The following MAP3K7 variants were observed in gnomAD, a reference collection of about 807,000 sequenced individuals.
The protein encoded by MAP3K7 is TGF-beta activated kinase 1.
MAP3K7 carries 21 observed loss-of-function variants against 84.8 expected under a neutral mutation model. The observed-to-expected ratio is 0.25, with a 90% CI of 0.18 to 0.36. The LOEUF (loss-of-function observed/expected upper bound fraction) is 0.36. MAP3K7 is among the 10% of genes least tolerant of loss of function. MAP3K7 has a pLI of 1.00. For synonymous variants in MAP3K7, 241 were observed against 247.7 expected, an observed-to-expected ratio of 0.97 and a Z score of 0.25; for missense variants, 503 against 747.7, an observed-to-expected ratio of 0.67 and a Z score of 3.82.
At chr6:90,586,112 C>A (rs1001109218) in intron 1 of MAP3K7, among the ~76,000 whole-genome samples, 5 of 152,022 alleles carry the variant, frequency 3.3e-5, no homozygotes, top group African/African-American at 7.3e-5. Context: ...GTGGCTCACG[C>A]CTGTAATCCC....
chr6:90,542,605 G>T, intron 12 of MAP3K7: 1 of 466,020 alleles, frequency 2.1e-6, no homozygotes, highest in Non-Finnish European at 2.8e-6. Flanking sequence ...GTGACTTGGA[G>T]TCAGAAGATC....
At chr6:90,535,178 T>C (rs1002573329) in intron 13 of MAP3K7, among the ~76,000 whole-genome samples, 1 of 152,088 alleles carries the variant, frequency 6.6e-6, no homozygotes, top group African/African-American at 2.4e-5. Flanking sequence ...ATCAAGGATA[T>C]TCACCACTTA....
chr6:90,526,526 T>C (rs1180895845), intron 13 of MAP3K7, among the ~76,000 whole-genome samples: 13 of 152,092 alleles, frequency 8.5e-5, no homozygotes. Context: ...ACGTGAATCA[T>C]GCTAATACTT....
Position 90,549,147 on chromosome 6 carries a change from T to C in MAP3K7, c.950-970A>G, listed in dbSNP as rs977394322. ...AATGCACAGGCAGAAAGGTACACCT[T>C]TGGCCAGAAGTATGGATAGTTTAGC... On this transcript the variant is annotated intron_variant, in intron 9 of 16. Coordinates refer to ENST00000369329, the MANE Select transcript of MAP3K7 (RefSeq NM_145331.3). Among the ~76,000 whole-genome samples, 11 of 152,084 alleles carry C rather than the reference T, an allele frequency of 7.2e-5. 1 individual carries two copies. The highest frequency in any genetic ancestry group is 5.9e-4 in the Admixed American group (9 of 15,254).
At chr6:90,535,990 A>T (rs1389666152) in intron 13 of MAP3K7, among the ~76,000 whole-genome samples, 2 of 152,180 alleles carry the variant, frequency 1.3e-5, no homozygotes, top group Admixed American at 1.3e-4. Flanking sequence ...AAAAGGAGAC[A>T]TATTAATGAT....
Position 90,536,406 on chromosome 6 carries a change from A to G in MAP3K7, c.1292-5T>C. 6.2e-7 allele frequency: 1 copy of G among 1,608,064 alleles called. No individual in the cohort carries two copies. Among genetic ancestry groups the G allele is most frequent in the Non-Finnish European group, 8.5e-7 (1 of 1,175,388 alleles). ...TACGTCTTGGCTGTCCGTTGCCTTT[A>G]AAAAGAAGAAAAAAAGTAAAATACT... On this transcript the variant is annotated splice_polypyrimidine_tract_variant and splice_region_variant and intron_variant, in intron 12 of 16. Coordinates refer to ENST00000369329, the MANE Select transcript of MAP3K7 (RefSeq NM_145331.3).
chr6:90,520,478 G>A (rs1775113773), intron 14 of MAP3K7, among the ~76,000 whole-genome samples: 1 of 151,888 alleles, frequency 6.6e-6, no homozygotes, highest in Non-Finnish European at 1.5e-5. Context: ...AAATGAGCCA[G>A]TGCATGTGAG....
chr6:90,554,925 G>A (rs538001487), intron 6 of MAP3K7, among the ~76,000 whole-genome samples: 1 of 152,244 alleles, frequency 6.6e-6, no homozygotes, highest in South Asian at 2.1e-4. Flanking sequence ...TAGTTGCATT[G>A]CAATTTCTCT....
chr6:90,553,716 T>C, intron 6 of MAP3K7, 130 bp from the exon 7 acceptor site: 1 of 550,320 alleles, frequency 1.8e-6, no homozygotes, highest in Non-Finnish European at 3.1e-6. Context: ...ACTAAGAAAC[T>C]ACTCTTTCTG....
At chr6:90,532,134 TTAAA>T (rs1338862675) in intron 13 of MAP3K7, among the ~76,000 whole-genome samples, 2 of 152,242 alleles carry the variant, frequency 1.3e-5, no homozygotes, top group South Asian at 4.1e-4. Flanking sequence ...ATCACATCCC[TTAAA>T]TAAATAATAA....
intron 1 of MAP3K7, among the ~76,000 whole-genome samples, chr6:90,583,324 A>C (rs1777341046): frequency 6.6e-6 from 1 of 152,188 alleles, no homozygotes; most frequent in South Asian, 2.1e-4. Flanking sequence ...GTACTTCAGA[A>C]AGTACTGAGT....
At chr6:90,578,780 A>G (rs1410539962) in intron 1 of MAP3K7, among the ~76,000 whole-genome samples, 1 of 152,210 alleles carries the variant, frequency 6.6e-6, no homozygotes, top group Admixed American at 6.5e-5. Context: ...CGTAGCATAA[A>G]AAAAGCTTCC....
intron 3 of MAP3K7, among the ~76,000 whole-genome samples, chr6:90,568,256 TAAAGAG>T (rs779410225): frequency 6.6e-6 from 1 of 151,736 alleles, no homozygotes; most frequent in Non-Finnish European, 1.5e-5. Flanking sequence ...AATAAATACA[TAAAGAG>T]AAAGAAAAAA....
intron 9 of MAP3K7, among the ~76,000 whole-genome samples, chr6:90,549,450 C>T (rs552560329): frequency 7.2e-5 from 11 of 152,268 alleles, no homozygotes; most frequent in African/African-American, 2.4e-4. Flanking sequence ...TGCATTGGTA[C>T]AGGCAAGGAG....
At chr6:90,566,533 C>T (rs1476163658) in intron 3 of MAP3K7, among the ~76,000 whole-genome samples, 4 of 152,112 alleles carry the variant, frequency 2.6e-5, no homozygotes, top group Non-Finnish European at 5.9e-5. Flanking sequence ...TCAAGGAGAA[C>T]TACAAACCAC....
chr6:90,569,865 T>C (rs772199683), intron 2 of MAP3K7, among the ~76,000 whole-genome samples: 4 of 152,124 alleles, frequency 2.6e-5, no homozygotes, highest in Non-Finnish European at 4.4e-5. Flanking sequence ...CTGCCCTTTT[T>C]CCACTCTTCT....
chr6:90,554,054 C>T (rs546921594), intron 6 of MAP3K7, among the ~76,000 whole-genome samples: 4 of 152,138 alleles, frequency 2.6e-5, no homozygotes, highest in African/African-American at 7.2e-5. Flanking sequence ...TACAGGCATG[C>T]GCTGGCACAA....
chr6:90,572,271 G>T (rs1001334722), intron 1 of MAP3K7, among the ~76,000 whole-genome samples: 1 of 151,916 alleles, frequency 6.6e-6, no homozygotes, highest in South Asian at 2.1e-4. Flanking sequence ...GAGGAGAAAC[G>T]ATATAAATAT....
At position 90,561,644 on chromosome 6, in the gene MAP3K7, A is replaced by G. The variant is rs750524762; in HGVS notation, c.321T>C (p.Ala107=). The G allele has an allele frequency of 6.2e-7, 1 of 1,612,054 alleles. No individual in the cohort carries two copies. The highest frequency in any genetic ancestry group is 8.5e-7 in the Non-Finnish European group (1 of 1,178,216). ...LNPVCLVMEY[A]EGGSLYNVLH... The stretch of plus-strand genomic sequence containing the variant: ...CACCATTATATAAAGAGCCCCCTTC[A>G]GCATATTCCATCACAAGACACACCT... Residue 107 remains alanine (A), a synonymous_variant, in exon 4 of 17, where the codon GCT becomes GCC. Transcript: ENST00000369329.
Sources: allele counts gnomAD v4.1 joint callset (sites outside exome capture counted in the v4.1 genomes callset), GRCh38; gene constraint gnomAD v4.1.1; transcripts MANE v1.5; gene names NCBI Gene and HGNC (gene_info 2026-07-23, HGNC 2026-07-21).